TGFBR1: variants seen among roughly 807,000 people sequenced by gnomAD.
TGFBR1 encodes TGF-beta receptor type-1.
A neutral mutation model predicts 55.1 loss-of-function variants in TGFBR1; 20 were observed. The observed-to-expected ratio is 0.36, with a 90% confidence interval of 0.26 to 0.53. The LOEUF is 0.53. Among genes scored for constraint, TGFBR1 ranks in the 20% least tolerant of loss-of-function variants. The pLI is 0.91. For synonymous variants in TGFBR1, 220 were observed against 214.8 expected (o/e 1.02, Z -0.21); for missense variants, 385 against 617.6 (o/e 0.62, Z 3.99).
At chr9:99,115,965 A>C (rs1826723052) in intron 1 of TGFBR1, among the ~76,000 whole-genome samples, 1 of 152,182 alleles carries the variant, frequency 6.6e-6, no homozygotes, top group African/African-American at 2.4e-5. Context: ...GTCCCACCAA[A>C]GCGTTGGCAG....
chr9:99,127,133 A>G (rs1217970675), intron 1 of TGFBR1, among the ~76,000 whole-genome samples: 1 of 152,220 alleles, frequency 6.6e-6, no homozygotes, highest in African/African-American at 2.4e-5. Context: ...TACAGTTAAC[A>G]TCAGCAAAAG....
chr9:99,148,304 A>G (rs756317648), intron 8 of TGFBR1, among the ~76,000 whole-genome samples: 1 of 152,218 alleles, frequency 6.6e-6, no homozygotes, highest in South Asian at 2.1e-4. Flanking sequence ...TTTAGGGAAA[A>G]TGCTTTTTTC....
chr9:99,136,992 C>G (rs1297211039), intron 3 of TGFBR1, among the ~76,000 whole-genome samples: 2 of 152,042 alleles, frequency 1.3e-5, no homozygotes, highest in Non-Finnish European at 2.9e-5. Context: ...GATGGTCTCA[C>G]ATATAGTGCC....
At chr9:99,124,734 G>T (rs1302158002) in intron 1 of TGFBR1, among the ~76,000 whole-genome samples, 1 of 152,054 alleles carries the variant, frequency 6.6e-6, no homozygotes, top group Admixed American at 6.6e-5. Context: ...TTAATTCCCT[G>T]AAGAGAGAAA....
chr9:99,153,583 C>G lies in TGFBR1; in HGVS notation c.*4278C>G, dbSNP rs200414044. 5.2e-6 allele frequency: 1 copy of G among 193,782 alleles called. No individual in the cohort carries two copies. The highest frequency in any genetic ancestry group is 1.1e-5 in the Non-Finnish European group (1 of 92,540). 12.0% of individuals were successfully genotyped at this position (193,782 alleles called of 1,614,324 possible). On this transcript the variant is annotated 3_prime_UTR_variant, in exon 9 of 9. Transcript: ENST00000374994. ...GTAAATAGGAAATAGAAGAGTGATG[C>G]TTATGTTAAGTCCTAACACTACAGT...
At chr9:99,144,694 A>G (rs1362421055) in intron 5 of TGFBR1, 38 bp from the exon 6 acceptor site, 2 of 1,612,272 alleles carry the variant, frequency 1.2e-6, no homozygotes, top group Non-Finnish European at 1.7e-6. Flanking sequence ...GATTGGTATT[A>G]CCTTTTAAGC....
intron 4 of TGFBR1, among the ~76,000 whole-genome samples, chr9:99,140,629 T>G (rs530139727): frequency 3.9e-4 from 60 of 152,218 alleles, no homozygotes; most frequent in Non-Finnish European, 6.0e-4. Context: ...CCTTGTTCCT[T>G]CTTACTTCTT....
chr9:99,148,504 A>G (rs1166553872), intron 8 of TGFBR1, among the ~76,000 whole-genome samples: 1 of 152,248 alleles, frequency 6.6e-6, no homozygotes, highest in African/African-American at 2.4e-5. Context: ...TAAAAAGGCT[A>G]TAAAAAGCTG....
Position 99,152,408 on chromosome 9 carries a change from G to A in TGFBR1, c.*3103G>A, listed in dbSNP as rs543672032. 3.5e-5 allele frequency: 8 copies of A among 227,510 alleles called. No individual in the cohort carries two copies. The highest frequency in any genetic ancestry group is 2.5e-4 in the East Asian group (4 of 16,006). 14.1% of individuals were successfully genotyped at this position (227,510 alleles called of 1,614,324 possible). A position where few individuals can be genotyped will look rare whatever the true frequency, so the allele number is the denominator to read the frequency against. On this transcript the variant is annotated 3_prime_UTR_variant, in exon 9 of 9. Transcript: ENST00000374994. The stretch of plus-strand genomic sequence containing the variant: ...GAAGAGCTGAGCCTGTAATTCTGCT[G>A]TAATAATGATAGTGCTCAAGAAGTG...
At position 99,149,657 on chromosome 9, in the gene TGFBR1, G is replaced by GA; in HGVS notation, c.*354dup. The GA allele has an allele frequency of 2.9e-6, 1 of 339,482 alleles. No homozygotes were observed. The highest frequency in any genetic ancestry group is 5.6e-6 in the Non-Finnish European group (1 of 179,934). 21.0% of individuals were successfully genotyped at this position (339,482 alleles called of 1,614,324 possible). A position where few individuals can be genotyped will look rare whatever the true frequency, so the allele number is the denominator to read the frequency against. On this transcript the variant is annotated 3_prime_UTR_variant, in exon 9 of 9. Coordinates refer to ENST00000374994, the MANE Select transcript of TGFBR1 (RefSeq NM_004612.4). ...TTAAGGGCAAAGGAGTTGGATTGCT[G>GA]AATTACAATGAAACATGTCTTATTA...
chr9:99,140,123 C>T (rs1263964864), intron 4 of TGFBR1, among the ~76,000 whole-genome samples: 2 of 152,134 alleles, frequency 1.3e-5, no homozygotes, highest in East Asian at 3.8e-4. Context: ...TAGCGATTAT[C>T]AGTGGCACCT....
intron 1 of TGFBR1, among the ~76,000 whole-genome samples, chr9:99,117,916 A>G (rs995587700): frequency 6.6e-6 from 1 of 152,208 alleles, no homozygotes; most frequent in African/African-American, 2.4e-5. Context: ...CACTTTATGG[A>G]ATATTGACCT....
chr9:99,111,562 G>A (rs1186926217), intron 1 of TGFBR1, among the ~76,000 whole-genome samples: 1 of 151,946 alleles, frequency 6.6e-6, no homozygotes, highest in African/African-American at 2.4e-5. Context: ...TCAGGAGGTG[G>A]AGTTTGCAGT....
intron 1 of TGFBR1, among the ~76,000 whole-genome samples, chr9:99,125,636 T>C (rs1827019805): frequency 6.6e-6 from 1 of 152,202 alleles, no homozygotes; most frequent in Admixed American, 6.5e-5. Context: ...AAACTTATGC[T>C]GTGTGTAGTG....
chr9:99,141,065 T>G (rs1447613083), intron 4 of TGFBR1, among the ~76,000 whole-genome samples: 2 of 152,220 alleles, frequency 1.3e-5, no homozygotes, highest in Non-Finnish European at 2.9e-5. Flanking sequence ...CAGCCCTTTA[T>G]ATTTATGGCC....
intron 6 of TGFBR1, among the ~76,000 whole-genome samples, chr9:99,146,126 T>C (rs554589134): frequency 7.2e-5 from 11 of 152,286 alleles, no homozygotes; most frequent in Middle Eastern, 3.4e-3. Flanking sequence ...TTCGTGCCCT[T>C]CCTTTCATCC....
chr9:99,118,586 G>GT (rs1291131550), intron 1 of TGFBR1, among the ~76,000 whole-genome samples: 2 of 149,000 alleles, frequency 1.3e-5, no homozygotes, highest in Non-Finnish European at 3.0e-5. Flanking sequence ...AATTTTATCA[G>GT]TTTTTTTGTT....
At position 99,142,663 on chromosome 9, in the gene TGFBR1, C is replaced by T. The variant is rs200912890; in HGVS notation, c.933C>T (p.Ser311=). 3.8e-5 allele frequency: 62 copies of T among 1,613,938 alleles called. No homozygotes were observed. The highest frequency in any genetic ancestry group is 1.6e-4 in the Middle Eastern group (1 of 6,080). ...TAAAACTTGCTCTGTCCACGGCGAGCGGTCTTGCCCATCTTCACATGGAGA... is the reference window on the plus strand; with the variant it reads ...TAAAACTTGCTCTGTCCACGGCGAGTGGTCTTGCCCATCTTCACATGGAGA... The part of the protein sequence containing the change: ...GMIKLALSTA[S]GLAHLHMEIV... Residue 311 remains serine (S), a synonymous_variant, in exon 5 of 9, where the codon AGC becomes AGT. Transcript: ENST00000374994.
chr9:99,124,923 C>G (rs1420100744), intron 1 of TGFBR1, among the ~76,000 whole-genome samples: 1 of 152,024 alleles, frequency 6.6e-6, no homozygotes, highest in Non-Finnish European at 1.5e-5. Context: ...TACTTAAATT[C>G]TGTAGACATG....
Sources: allele counts gnomAD v4.1 joint callset (sites outside exome capture counted in the v4.1 genomes callset), GRCh38; gene constraint gnomAD v4.1.1; transcripts MANE v1.5; gene names NCBI Gene and HGNC (gene_info 2026-07-23, HGNC 2026-07-21).